Variants in CTSV observed in about 807,000 individuals in gnomAD.
The protein encoded by CTSV is cathepsin L2.
In CTSV, 33 loss-of-function variants were observed where a neutral mutation model predicts 35.6. The ratio of observed to expected loss-of-function variants is 0.93; its 90% confidence interval spans 0.70 to 1.24. CTSV has a LOEUF of 1.24. Among genes scored for constraint, CTSV ranks in the 50% most tolerant of loss-of-function variants. The pLI is 0.00. For synonymous variants in CTSV, 154 were observed against 147.1 expected (o/e 1.05, Z -0.34); for missense variants, 408 against 413.1 (o/e 0.99, Z 0.11).
Position 97,035,756 on chromosome 9 carries a change from C to A in CTSV, c.622-63G>T, listed in dbSNP as rs556612621. On this transcript the variant is annotated intron_variant, in intron 5 of 7. Transcript: ENST00000259470. ...ATCTACCTCCTGGGGAACATTAGTTCTAGAACCGAAACACTCAGCAATTTG... is the reference window on the plus strand; with the variant it reads ...ATCTACCTCCTGGGGAACATTAGTTATAGAACCGAAACACTCAGCAATTTG... 17 of 1,196,488 alleles carry A rather than the reference C, an allele frequency of 1.4e-5. No homozygotes were observed. In the African/African-American group the frequency reaches 2.5e-4, roughly 18 times the overall value. The allele number at this position is 1,196,488 out of a possible 1,614,324, so 74.1% of individuals were successfully genotyped here. A position where few individuals can be genotyped will look rare whatever the true frequency, so the allele number is the denominator to read the frequency against.
intron 7 of CTSV, among the ~76,000 whole-genome samples, 176 bp from the exon 8 acceptor site, chr9:97,033,224 C>A (rs189700146): frequency 6.6e-6 from 1 of 152,158 alleles, no homozygotes; most frequent in Non-Finnish European, 1.5e-5. Context: ...CGCCTGCAAT[C>A]CCAGCACTTT....
At chr9:97,035,501 A>G (rs777845497) in intron 6 of CTSV, 27 bp downstream of exon 6, 12 of 1,450,238 alleles carry the variant, frequency 8.3e-6, no homozygotes, top group African/African-American at 2.9e-5. Flanking sequence ...AATTCTGCCT[A>G]AATTTCTATA....
At position 97,030,850 on chromosome 9, in the gene CTSV, G is replaced by A. The variant is rs1828733098; in HGVS notation, c.*2099C>T. On this transcript the variant is annotated 3_prime_UTR_variant, in exon 8 of 8. Transcript: ENST00000259470. ...TCATGGCCATCATGAACCTGTCACAGTACTGCAGAGATTTTGTTTATGGCC... is the reference window on the plus strand; with the variant it reads ...TCATGGCCATCATGAACCTGTCACAATACTGCAGAGATTTTGTTTATGGCC... 6.6e-6 allele frequency: 1 copy of A among 152,150 alleles called. No homozygotes were observed. The highest frequency in any genetic ancestry group is 2.1e-4 in the South Asian group (1 of 4,834). The allele number at this position is 152,150 out of a possible 1,614,324, so 9.4% of individuals were successfully genotyped here.
chr9:97,037,250 A>C lies in CTSV; in HGVS notation c.396+2T>G. On this transcript the variant is annotated splice_donor_variant, in intron 4 of 7. Transcript: ENST00000259470. LOFTEE classifies it high-confidence loss of function. ...CAGGGTCTGAATCTGACGCTGTCTC[A>C]CCTGATTCTTCACTGGCGTCACGTA... The C allele has an allele frequency of 6.2e-7, 1 of 1,613,556 alleles. No individual in the cohort carries two copies. The highest frequency in any genetic ancestry group is 8.5e-7 in the Non-Finnish European group (1 of 1,179,680).
In CTSV at chr9:97,037,948, C is replaced by A; in HGVS notation, c.96G>T (p.Trp32Cys). 1.2e-6 allele frequency: 2 copies of A among 1,614,032 alleles called. No homozygotes were observed. Among genetic ancestry groups the A allele is most frequent in the Middle Eastern group, 1.6e-4 (1 of 6,062 alleles). The change falls in exon 2 of 8, where the codon TGG becomes TGT. Residue 32 changes from tryptophan to cysteine, a missense_variant. By Grantham distance (215) the Trp-to-Cys change is radical. Coordinates refer to ENST00000259470, the MANE Select transcript of CTSV (RefSeq NM_001333.4). The part of the protein sequence containing the change: ...DQNLDTKWYQ[W>C]KATHRRLYGA... ...CATATAATCTTCTGTGTGTTGCCTT[C>A]CACTGGTACCACTTTGTATCCAAAT...
chr9:97,038,143 C>G (rs1828889708), intron 1 of CTSV, 90 bp from the exon 2 acceptor site: 7 of 1,349,110 alleles, frequency 5.2e-6, no homozygotes, highest in Non-Finnish European at 7.1e-6. Context: ...TTCAATTATT[C>G]TCCCTAGCAT....
chr9:97,035,329 C>T (rs970268205), intron 6 of CTSV, among the ~76,000 whole-genome samples, 199 bp downstream of exon 6: 6 of 152,346 alleles, frequency 3.9e-5, no homozygotes, highest in Middle Eastern at 3.4e-3. Flanking sequence ...TGTCTCTATA[C>T]AATTACATAG....
Position 97,030,871 on chromosome 9 carries a change from T to C in CTSV, c.*2078A>G, listed in dbSNP as rs1828733741. On this transcript the variant is annotated 3_prime_UTR_variant, in exon 8 of 8. Coordinates refer to ENST00000259470, the MANE Select transcript of CTSV (RefSeq NM_001333.4). ...CACAGTACTGCAGAGATTTTGTTTA[T>C]GGCCAGATTTGGGGGCATATCCCCA... 1 of 152,214 alleles carries C rather than the reference T, an allele frequency of 6.6e-6. No homozygotes were observed. 9.4% of individuals were successfully genotyped at this position (152,214 alleles called of 1,614,324 possible).
Position 97,037,382 on chromosome 9 carries a change from C to T in CTSV, c.266G>A (p.Arg89Lys). 1 of 1,614,132 alleles carries T rather than the reference C, an allele frequency of 6.2e-7. No homozygotes were observed. The highest frequency in any genetic ancestry group is 8.5e-7 in the Non-Finnish European group (1 of 1,180,028). The part of the protein sequence containing the change: ...AFGDMTNEEF[R>K]QMMGCFRNQK... The stretch of plus-strand genomic sequence containing the variant: ...GTTTCGAAAGCAACCCATCATCTGC[C>T]TGAATTCTTCATTGGTCTTCAAGGA... The change falls in exon 4 of 8, where the codon AGG becomes AAG. Residue 89 changes from arginine (R) to lysine (K), a missense_variant. Physicochemically the swap from Arg to Lys is conservative, Grantham distance 26. Transcript: ENST00000259470.
At position 97,037,663 on chromosome 9, in the gene CTSV, C is replaced by G. The variant is rs768138942; in HGVS notation, c.127-48G>C. ...TGGACTTTATGTCTACTTACCCAAC[C>G]CATGTTCACCAAGCCGATTTGCGGG... On this transcript the variant is annotated intron_variant, in intron 2 of 7. Coordinates refer to ENST00000259470, the MANE Select transcript of CTSV (RefSeq NM_001333.4). The G allele has an allele frequency of 2.5e-6, 4 of 1,599,616 alleles. No homozygotes were observed. The Admixed American group carries it at 6.8e-5, about 27-fold the overall frequency.
intron 7 of CTSV, among the ~76,000 whole-genome samples, 190 bp downstream of exon 7, chr9:97,034,536 T>A (rs1430676439): frequency 6.6e-6 from 1 of 152,208 alleles, no homozygotes; most frequent in Non-Finnish European, 1.5e-5. Flanking sequence ...AACTTAGTAA[T>A]AAAATATTAC....
At chr9:97,037,870 G>A (rs1332995904) in intron 2 of CTSV, 48 bp downstream of exon 2, 1 of 1,603,850 alleles carries the variant, frequency 6.2e-7, no homozygotes, top group Non-Finnish European at 8.5e-7. Flanking sequence ...CCAACAGCGA[G>A]GACCATTCTC....
At position 97,037,479 on chromosome 9, in the gene CTSV, C is replaced by G; in HGVS notation, c.249+14G>C. 1.9e-6 allele frequency: 3 copies of G among 1,614,096 alleles called. No individual in the cohort carries two copies. Among genetic ancestry groups the G allele is most frequent in the Non-Finnish European group, 2.5e-6 (3 of 1,179,994 alleles). The stretch of plus-strand genomic sequence containing the variant: ...AGAAGCAGCACAGAGTTCAGCAATC[C>G]TTGCCACACTCACCATGTCACCAAA... On this transcript the variant is annotated intron_variant, in intron 3 of 7. Coordinates refer to ENST00000259470, the MANE Select transcript of CTSV (RefSeq NM_001333.4).
chr9:97,034,833 A>C lies in CTSV; in HGVS notation c.798T>G (p.Phe266Leu), dbSNP rs1324969314. The C allele has an allele frequency of 6.2e-7, 1 of 1,613,964 alleles. No individual in the cohort carries two copies. The highest frequency in any genetic ancestry group is 1.1e-5 in the South Asian group (1 of 91,048). The change falls in exon 7 of 8, where the codon TTT becomes TTG. Residue 266 changes from phenylalanine (F) to leucine (L), a missense_variant. Physicochemically the swap from Phe to Leu is conservative, Grantham distance 22. Transcript: ENST00000259470. The part of the protein sequence containing the change: ...SFQFYKSGIY[F>L]EPDCSSKNLD... ...GGTTTTTGCTGCTGCAGTCTGGTTCAAAATAAATGCCTGGGAGAGTAAAAT... is the reference window on the plus strand; with the variant it reads ...GGTTTTTGCTGCTGCAGTCTGGTTCCAAATAAATGCCTGGGAGAGTAAAAT...
intron 5 of CTSV, among the ~76,000 whole-genome samples, chr9:97,035,941 T>C (rs78076454): frequency 0.015 from 2,241 of 152,352 alleles, 54 homozygotes; most frequent in African/African-American, 0.05. Context: ...AGTTCTATTA[T>C]ATGTAGAATG....
chr9:97,036,289 T>C (rs1018373603), intron 5 of CTSV: 1 of 542,370 alleles, frequency 1.8e-6, no homozygotes, highest in Non-Finnish European at 3.3e-6. Context: ...GCCAGGATTG[T>C]CTTGATCTCC....
Position 97,036,354 on chromosome 9 carries a change from C to A in CTSV, c.621+169G>T, listed in dbSNP as rs554808316. On this transcript the variant is annotated intron_variant, in intron 5 of 7. Coordinates refer to ENST00000259470, the MANE Select transcript of CTSV (RefSeq NM_001333.4). ...CCAAACTGCTGGGATTACAGGTGAT[C>A]CACCACGCCTGGCCAAAGGCTAATA... is the stretch of plus-strand genomic sequence containing the variant. 1.5e-5 allele frequency: 10 copies of A among 655,262 alleles called. No individual in the cohort carries two copies. In the South Asian group the frequency reaches 1.8e-4, roughly 12 times the overall value. The allele number at this position is 655,262 out of a possible 1,614,324, so 40.6% of individuals were successfully genotyped here.
At chr9:97,035,411 G>A in intron 6 of CTSV, 117 bp downstream of exon 6, 2 of 766,920 alleles carry the variant, frequency 2.6e-6, no homozygotes, top group Non-Finnish European at 3.7e-6. Flanking sequence ...ACATCACTAT[G>A]TTAAATGCTC....
Position 97,032,762 on chromosome 9 carries a change from G to T in CTSV, c.*187C>A, listed in dbSNP as rs73548362. The T allele has an allele frequency of 0.013, 5,999 of 468,892 alleles. 320 individuals carry two copies. Among genetic ancestry groups the T allele is most frequent in the African/African-American group, 0.11 (5,460 of 51,266 alleles). 29.0% of individuals were successfully genotyped at this position (468,892 alleles called of 1,614,324 possible). ...AATGAGTCTTTGATATCATAAAGCT[G>T]TGTATAACAATAATTAAAGTAGTGG... On this transcript the variant is annotated 3_prime_UTR_variant, in exon 8 of 8. Transcript: ENST00000259470.
Sources: gnomAD v4.1 joint callset for allele counts (sites outside exome capture counted in the v4.1 genomes callset) on GRCh38, gnomAD v4.1.1 for gene constraint, MANE v1.5 for transcripts, NCBI Gene and HGNC (gene_info 2026-07-23, HGNC 2026-07-21) for gene names.